PKHD1: variants seen among roughly 807,000 people sequenced by gnomAD.
The protein encoded by PKHD1 is PKHD1 ciliary IPT domain containing fibrocystin/polyductin, also known as fibrocystin.
Under a neutral mutation model 412.0 loss-of-function variants are expected in PKHD1, and 291 were observed. The ratio of observed to expected loss-of-function variants is 0.71; its 90% CI spans 0.64 to 0.78. The LOEUF (loss-of-function observed/expected upper bound fraction) is 0.78. Among genes scored for constraint, PKHD1 ranks in the 30% least tolerant of loss-of-function variants. PKHD1 has a pLI of 0.00. For missense variants in PKHD1, 4,825 were observed against 4,950.7 expected, an observed-to-expected ratio of 0.97 and a Z score of 0.76; for synonymous variants, 1,777 against 1,821.5, an observed-to-expected ratio of 0.98 and a Z score of 0.62.
chr6:51,746,880 A>T lies in PKHD1; in HGVS notation c.9839T>A (p.Phe3280Tyr). The T allele has an allele frequency of 6.3e-7, 1 of 1,598,374 alleles. No homozygotes were observed. The highest frequency in any genetic ancestry group is 1.1e-5 in the South Asian group (1 of 89,832). The change falls in exon 59 of 67, where the codon TTT becomes TAT. Residue 3280 changes from phenylalanine to tyrosine, a missense_variant. Transcript: ENST00000371117. ...ATAGCAACTCTTCACAAAACTAGAA[A>T]AGGTAACATCTGAAATTTTAAAAAT... ...SGIMKLQDVT[F>Y]SSFVKSCYSD...
At chr6:52,059,435 G>A (rs991861937) in intron 15 of PKHD1, among the ~76,000 whole-genome samples, 7 of 151,362 alleles carry the variant, frequency 4.6e-5, no homozygotes, top group Non-Finnish European at 8.8e-5. Flanking sequence ...TTTTAATAGA[G>A]ACAGGGTTTT....
chr6:51,781,000 TAC>T (rs894113079), intron 53 of PKHD1, among the ~76,000 whole-genome samples: 6 of 152,318 alleles, frequency 3.9e-5, no homozygotes, highest in Middle Eastern at 3.4e-3. Context: ...ATAAATTTCG[TAC>T]ATTTTTCCCT....
chr6:51,909,675 C>T (rs140039661), intron 39 of PKHD1, among the ~76,000 whole-genome samples: 165 of 151,870 alleles, frequency 1.1e-3, no homozygotes, highest in Non-Finnish European at 2.0e-3. Flanking sequence ...ATGATGTTGC[C>T]TTCATTCTAT....
intron 52 of PKHD1, among the ~76,000 whole-genome samples, chr6:51,818,826 T>C (rs1013223174): frequency 6.6e-6 from 1 of 152,144 alleles, no homozygotes; most frequent in Admixed American, 6.5e-5. Flanking sequence ...CTCCAGCACA[T>C]TGATGGACCA....
chr6:51,980,414 T>C lies in PKHD1; in HGVS notation c.5752-20388A>G, dbSNP rs144462342. 5.7e-3 allele frequency among the ~76,000 whole-genome samples: 875 copies of C among 152,350 alleles called. 10 individuals carry two copies. Among genetic ancestry groups the C allele is most frequent in the African/African-American group, 0.02 (816 of 41,580 alleles). ...AAATAATGTGCTACAGTTCATAAAG[T>C]TGATTTTTCTCTTAAGTTAAATATT... On this transcript the variant is annotated intron_variant, in intron 35 of 66. Transcript: ENST00000371117.
At chr6:52,045,948 TG>T (rs1805733906) in intron 24 of PKHD1, 55 bp downstream of exon 24, 2 of 1,190,366 alleles carry the variant, frequency 1.7e-6, no homozygotes, top group Admixed American at 1.7e-5. Flanking sequence ...TTTTTTTTTT[TG>T]CAGAATTTCT....
At chr6:51,940,501 G>C (rs184126345) in intron 36 of PKHD1, among the ~76,000 whole-genome samples, 1 of 151,644 alleles carries the variant, frequency 6.6e-6, no homozygotes, top group Non-Finnish European at 1.5e-5. Flanking sequence ...CCCACAGCCC[G>C]GGATTCCTCC....
intron 48 of PKHD1, among the ~76,000 whole-genome samples, chr6:51,860,119 T>C (rs954109118): frequency 9.8e-5 from 15 of 152,344 alleles, no homozygotes; most frequent in African/African-American, 3.6e-4. Context: ...CTTTCTGTAG[T>C]GCAATACAGG....
chr6:51,633,731 G>A (rs1002758240), intron 64 of PKHD1, among the ~76,000 whole-genome samples: 4 of 152,114 alleles, frequency 2.6e-5, no homozygotes, highest in African/African-American at 9.7e-5. Context: ...GGTTGCCAAC[G>A]ATGAATGGTG....
At chr6:51,892,840 C>T in intron 43 of PKHD1, among the ~76,000 whole-genome samples, 1 of 152,208 alleles carries the variant, frequency 6.6e-6, no homozygotes, top group East Asian at 1.9e-4. Context: ...AGAGTATGCA[C>T]TCCTGCTTCT....
chr6:51,647,494 CAA>C (rs545510070), intron 63 of PKHD1, among the ~76,000 whole-genome samples: 318 of 152,178 alleles, frequency 2.1e-3, no homozygotes, highest in Non-Finnish European at 3.7e-3. Flanking sequence ...AACAGGAAGA[CAA>C]AAGAGGGTAG....
intron 55 of PKHD1, among the ~76,000 whole-genome samples, chr6:51,765,602 TA>T: frequency 6.6e-6 from 1 of 152,230 alleles, no homozygotes; most frequent in South Asian, 2.1e-4. Context: ...CCATTCAATC[TA>T]AAATGGTACC....
chr6:51,855,400 ATT>A (rs1361851978), intron 49 of PKHD1, among the ~76,000 whole-genome samples: 1 of 152,054 alleles, frequency 6.6e-6, no homozygotes. Context: ...CACTGCTCTT[ATT>A]TGTCTCCCTT....
chr6:51,671,877 G>T (rs371802929), intron 60 of PKHD1, among the ~76,000 whole-genome samples: 1 of 152,140 alleles, frequency 6.6e-6, no homozygotes. Context: ...AGGGGTCAGG[G>T]ACCCACTTGA....
chr6:51,809,390 T>TC (rs1042420658), intron 52 of PKHD1, among the ~76,000 whole-genome samples: 62 of 152,158 alleles, frequency 4.1e-4, no homozygotes, highest in African/African-American at 1.5e-3. Context: ...GTTTCTGGAC[T>TC]CTATTTTGTC....
At chr6:51,699,949 G>GTGTGTGTGTGTGTGTA (rs1230162756) in intron 60 of PKHD1, among the ~76,000 whole-genome samples, 1 of 151,692 alleles carries the variant, frequency 6.6e-6, no homozygotes, top group East Asian at 1.9e-4. Context: ...GTGTGTGTGT[G>GTGTGTGTGTGTGTGTA]TGTGTGTAAA....
chr6:51,651,599 T>C (rs552268964), intron 61 of PKHD1, among the ~76,000 whole-genome samples: 6 of 152,206 alleles, frequency 3.9e-5, no homozygotes, highest in African/African-American at 1.2e-4. Context: ...TCATCCACTT[T>C]CCTTTCATGA....
intron 53 of PKHD1, among the ~76,000 whole-genome samples, chr6:51,778,600 G>A (rs183758356): frequency 2.0e-5 from 3 of 152,226 alleles, no homozygotes; most frequent in Non-Finnish European, 2.9e-5. Flanking sequence ...ATGTGTTCCA[G>A]ATGCTAAAAT....
chr6:52,062,071 T>C (rs1582036172), intron 14 of PKHD1, among the ~76,000 whole-genome samples: 1 of 152,176 alleles, frequency 6.6e-6, no homozygotes, highest in East Asian at 1.9e-4. Context: ...CAAGGGCCAT[T>C]GGGTTGACCT....
Sources: gnomAD v4.1 joint callset for allele counts (sites outside exome capture counted in the v4.1 genomes callset) on GRCh38, gnomAD v4.1.1 for gene constraint, MANE v1.5 for transcripts, NCBI Gene and HGNC (gene_info 2026-07-23, HGNC 2026-07-21) for gene names.